RELN: variants seen among roughly 807,000 people sequenced by gnomAD.
RELN encodes the protein reelin.
In RELN, 108 loss-of-function variants were observed where a neutral mutation model predicts 427.6. That is an observed-to-expected ratio of 0.25 (90% CI 0.22 to 0.30). The LOEUF (loss-of-function observed/expected upper bound fraction) is 0.30, where lower values mean the gene tolerates loss of function less well. Among genes scored for constraint, RELN ranks in the 10% least tolerant of loss-of-function variants. RELN has a pLI of 1.00. For missense variants in RELN, 3,715 were observed against 4,302.8 expected, an observed-to-expected ratio of 0.86 and a Z score of 3.82; for synonymous variants, 1,524 against 1,513.4, an observed-to-expected ratio of 1.01 and a Z score of -0.16.
intron 4 of RELN, among the ~76,000 whole-genome samples, chr7:103,765,590 T>G (rs1791408985): frequency 6.6e-6 from 1 of 152,234 alleles, no homozygotes; most frequent in South Asian, 2.1e-4. Flanking sequence ...ATAAACTGGA[T>G]GAAATAATAT....
chr7:103,877,571 T>G (rs1794508654), intron 2 of RELN, among the ~76,000 whole-genome samples: 1 of 152,132 alleles, frequency 6.6e-6, no homozygotes, highest in Non-Finnish European at 1.5e-5. Flanking sequence ...CCTCTTCCAT[T>G]CCTGACCTTC....
In RELN at chr7:103,824,643, T is replaced by C. The variant is rs1793089191; in HGVS notation, c.473+8894A>G. ...TCAAAACAGAGTGTGTGTGTGTGTG[T>C]GTGTGTGTGTGTGTGTGTGTGTGTG... On this transcript the variant is annotated intron_variant, in intron 3 of 64. Transcript: ENST00000428762. This position sits in a 1 kb window ranked among gnomAD's most constrained non-coding sequence, Gnocchi z 4.4. Among the ~76,000 whole-genome samples, 1 of 149,212 alleles carries C rather than the reference T, an allele frequency of 6.7e-6. No homozygotes were observed. Among genetic ancestry groups the C allele is most frequent in the African/African-American group, 2.5e-5 (1 of 40,786 alleles).
intron 2 of RELN, among the ~76,000 whole-genome samples, chr7:103,874,305 G>A (rs1248885018): frequency 7.9e-6 from 1 of 126,048 alleles, no homozygotes; most frequent in Non-Finnish European, 1.7e-5. Context: ...ACAAGACAGG[G>A]ATGTCCTCTC....
In RELN at chr7:103,570,357, C is replaced by CA. The variant is rs551754327; in HGVS notation, c.4588+1826dup. On this transcript the variant is annotated intron_variant, in intron 31 of 64. Transcript: ENST00000428762. The stretch of plus-strand genomic sequence containing the variant: ...TTGTAATTTTCAGAAGGGTTATGCA[C>CA]AAAAATGTCCTTTAAATTTCAATGT... Among the ~76,000 whole-genome samples, 77 of 152,294 alleles carry CA rather than the reference C, an allele frequency of 5.1e-4. 1 individual carries two copies. The highest frequency in any genetic ancestry group is 8.1e-4 in the Non-Finnish European group (55 of 68,022).
intron 34 of RELN, among the ~76,000 whole-genome samples, chr7:103,562,393 G>C (rs146885887): frequency 1.3e-5 from 2 of 152,152 alleles, no homozygotes; most frequent in Non-Finnish European, 2.9e-5. Context: ...TTACTGTCCC[G>C]GAATGGTTTC....
At chr7:103,791,827 A>G (rs902702762) in intron 3 of RELN, among the ~76,000 whole-genome samples, 6 of 152,212 alleles carry the variant, frequency 3.9e-5, no homozygotes, top group Admixed American at 3.9e-4. Flanking sequence ...TGCAAATCAT[A>G]TATCTGATAA....
At chr7:103,940,028 C>A (rs1584386112) in intron 1 of RELN, among the ~76,000 whole-genome samples, 2 of 152,134 alleles carry the variant, frequency 1.3e-5, no homozygotes, top group Non-Finnish European at 2.9e-5. Context: ...TATTATTTTT[C>A]TATATCCATG....
intron 1 of RELN, among the ~76,000 whole-genome samples, chr7:103,937,592 A>G (rs561815130): frequency 2.0e-5 from 3 of 152,328 alleles, no homozygotes; most frequent in East Asian, 3.9e-4. Flanking sequence ...AATGATGGGG[A>G]AAAACTGGAT....
intron 3 of RELN, among the ~76,000 whole-genome samples, chr7:103,788,861 A>C (rs1421565205): frequency 1.3e-5 from 2 of 152,226 alleles, no homozygotes; most frequent in African/African-American, 4.8e-5. Flanking sequence ...GGAACCAAAA[A>C]GGAGCCCATA....
At chr7:103,755,125 G>C (rs183021929) in intron 4 of RELN, among the ~76,000 whole-genome samples, 6 of 149,734 alleles carry the variant, frequency 4.0e-5, no homozygotes, top group Non-Finnish European at 7.5e-5. Flanking sequence ...GATGAGGACC[G>C]AAGGGATTTT....
At chr7:103,845,744 C>T (rs1418980533) in intron 2 of RELN, among the ~76,000 whole-genome samples, 1 of 152,166 alleles carries the variant, frequency 6.6e-6, no homozygotes, top group African/African-American at 2.4e-5. Context: ...ACAGCCAAAT[C>T]GGAGTAAACT....
chr7:103,757,717 G>A (rs991670706), intron 4 of RELN, among the ~76,000 whole-genome samples: 1 of 152,134 alleles, frequency 6.6e-6, no homozygotes, highest in Non-Finnish European at 1.5e-5. Context: ...GATGACCAAA[G>A]GTGTGCACAG....
intron 6 of RELN, among the ~76,000 whole-genome samples, chr7:103,730,203 G>T (rs576536735): frequency 6.6e-6 from 1 of 152,082 alleles, no homozygotes; most frequent in Non-Finnish European, 1.5e-5. Flanking sequence ...CACTGTTGAT[G>T]TGAAATTTGA....
intron 11 of RELN, among the ~76,000 whole-genome samples, chr7:103,665,477 C>G (rs879439000): frequency 6.6e-6 from 1 of 152,098 alleles, no homozygotes; most frequent in African/African-American, 2.4e-5. Flanking sequence ...GCTACTGTTG[C>G]CCTTGTTAAC....
chr7:103,871,143 C>T (rs1373734564), intron 2 of RELN, among the ~76,000 whole-genome samples: 1 of 152,092 alleles, frequency 6.6e-6, no homozygotes, highest in Non-Finnish European at 1.5e-5. Context: ...TACCAGTTGG[C>T]TAAAAAGGAA....
At chr7:103,785,414 T>G (rs531596982) in intron 3 of RELN, among the ~76,000 whole-genome samples, 1 of 152,226 alleles carries the variant, frequency 6.6e-6, no homozygotes, top group South Asian at 2.1e-4. Context: ...GTCTGTAAAT[T>G]TGCTGAAAGA....
At chr7:103,708,690 C>T (rs773283306) in intron 8 of RELN, among the ~76,000 whole-genome samples, 55 of 151,896 alleles carry the variant, frequency 3.6e-4, no homozygotes, top group Non-Finnish European at 7.4e-4. Flanking sequence ...GTCTCGATCT[C>T]CTGACCTCGT....
At chr7:103,898,393 C>T (rs1256656705) in intron 2 of RELN, among the ~76,000 whole-genome samples, 1 of 151,958 alleles carries the variant, frequency 6.6e-6, no homozygotes, top group African/African-American at 2.4e-5. Context: ...ATTTTCCTAT[C>T]ATAGTGTTTT....
intron 1 of RELN, among the ~76,000 whole-genome samples, chr7:103,929,669 G>A (rs1433651700): frequency 6.6e-6 from 1 of 152,032 alleles, no homozygotes; most frequent in African/African-American, 2.4e-5. Flanking sequence ...TTCTCTATAA[G>A]GCACATCACT....
Sources: allele counts gnomAD v4.1 joint callset (sites outside exome capture counted in the v4.1 genomes callset), GRCh38; gene constraint gnomAD v4.1.1; non-coding constraint Gnocchi (gnomAD v3.1); transcripts MANE v1.5; gene names NCBI Gene and HGNC (gene_info 2026-07-23, HGNC 2026-07-21).